Variants in STIM1 observed in about 807,000 individuals in gnomAD.
STIM1 encodes stromal interaction molecule 1.
A neutral mutation model predicts 74.7 loss-of-function variants in STIM1; 25 were observed. That is an observed-to-expected ratio of 0.33 (90% CI 0.24 to 0.47). The LOEUF is 0.47. Among genes scored for constraint, STIM1 ranks in the 20% least tolerant of loss-of-function variants. The pLI is 1.00. For synonymous variants in STIM1, 328 were observed against 348.8 expected (o/e 0.94, Z 0.66); for missense variants, 728 against 920.8 (o/e 0.79, Z 2.71).
At position 3,873,434 on chromosome 11, in the gene STIM1, A is replaced by T. The variant is rs569615825; in HGVS notation, c.139+17025A>T. Among the ~76,000 whole-genome samples the T allele has an allele frequency of 2.9e-3, 441 of 151,470 alleles. 1 individual carries two copies. The highest frequency in any genetic ancestry group is 0.01 in the African/African-American group (417 of 40,962). On this transcript the variant is annotated intron_variant, in intron 1 of 12. Transcript: ENST00000526596. ...GCTCCATTTCAAAAAAAAAAAAAAA[A>T]AAATTAAAAACTTTTTTTTTTTTGT...
intron 1 of STIM1, among the ~76,000 whole-genome samples, chr11:3,891,886 A>C (rs2091906391): frequency 6.6e-6 from 1 of 152,252 alleles, no homozygotes; most frequent in Non-Finnish European, 1.5e-5. Flanking sequence ...AAGTTGTAGC[A>C]GGAAAACAGC....
chr11:3,897,840 G>A (rs1008552814), intron 1 of STIM1, among the ~76,000 whole-genome samples: 5 of 152,064 alleles, frequency 3.3e-5, no homozygotes, highest in Admixed American at 2.0e-4. Context: ...CAAAGGACAC[G>A]AACTCATCAT....
At chr11:4,046,405 C>A (rs768469044) in intron 3 of STIM1, among the ~76,000 whole-genome samples, 1 of 152,186 alleles carries the variant, frequency 6.6e-6, no homozygotes, top group Non-Finnish European at 1.5e-5. Context: ...CCTGGACACA[C>A]TGTGTCTGCC....
intron 3 of STIM1, among the ~76,000 whole-genome samples, chr11:4,032,432 G>T (rs535624468): frequency 4.6e-5 from 7 of 152,166 alleles, no homozygotes; most frequent in Non-Finnish European, 8.8e-5. Context: ...ATGCTATTTT[G>T]ATTACCATAG....
chr11:3,963,459 T>C (rs2093309596), intron 1 of STIM1, among the ~76,000 whole-genome samples: 2 of 152,342 alleles, frequency 1.3e-5, no homozygotes, highest in Middle Eastern at 3.4e-3. Context: ...CTTTCTAATA[T>C]GGTAAATATT....
At position 3,970,425 on chromosome 11, in the gene STIM1, C is replaced by T. The variant is rs79830017; in HGVS notation, c.270+2743C>T. On this transcript the variant is annotated intron_variant, in intron 2 of 12. Coordinates refer to ENST00000526596, the MANE Select transcript of STIM1 (RefSeq NM_001382567.1). ...GTCACTTCAAACATGTATAAGATAG[C>T]CTTAGAGTTCAGGATCTAACTAGAA... is the stretch of plus-strand genomic sequence containing the variant. 9.3e-3 allele frequency among the ~76,000 whole-genome samples: 1,422 copies of T among 152,134 alleles called. 25 individuals carry two copies. The highest frequency in any genetic ancestry group is 0.032 in the African/African-American group (1,344 of 41,492).
chr11:4,075,236 A>AT (rs1031195366), intron 7 of STIM1, among the ~76,000 whole-genome samples: 1 of 152,200 alleles, frequency 6.6e-6, no homozygotes, highest in African/African-American at 2.4e-5. Flanking sequence ...GATAACAGTT[A>AT]TTTTGTTCCT....
intron 2 of STIM1, among the ~76,000 whole-genome samples, chr11:4,013,907 C>T (rs560510612): frequency 1.3e-5 from 2 of 151,738 alleles, no homozygotes; most frequent in Non-Finnish European, 2.9e-5. Flanking sequence ...CAGGGTTTCA[C>T]CGTGTTAGCC....
At chr11:3,910,342 G>T (rs2092541117) in intron 1 of STIM1, among the ~76,000 whole-genome samples, 1 of 152,204 alleles carries the variant, frequency 6.6e-6, no homozygotes, top group Admixed American at 6.5e-5. Context: ...AAAGCCAAAA[G>T]TATCTGGCGT....
chr11:3,999,134 C>G (rs1228016421), intron 2 of STIM1, among the ~76,000 whole-genome samples: 1 of 152,216 alleles, frequency 6.6e-6, no homozygotes, highest in Non-Finnish European at 1.5e-5. Context: ...TTGCTTGAGT[C>G]TATGAGTTTG....
At chr11:4,090,996 C>T (rs1273630913) in intron 12 of STIM1, among the ~76,000 whole-genome samples, 1 of 151,794 alleles carries the variant, frequency 6.6e-6, no homozygotes, top group African/African-American at 2.4e-5. Flanking sequence ...GCTTTTCTTC[C>T]TCTACAATTC....
chr11:3,932,775 G>A (rs1200252826), intron 1 of STIM1, among the ~76,000 whole-genome samples: 6 of 152,054 alleles, frequency 3.9e-5, no homozygotes, highest in East Asian at 1.9e-4. Context: ...ACCAGTAAGC[G>A]GGCCCTCGCC....
chr11:3,978,202 G>A (rs2093467678), intron 2 of STIM1, among the ~76,000 whole-genome samples: 1 of 149,946 alleles, frequency 6.7e-6, no homozygotes. Context: ...AGGCTGGAGT[G>A]CAATGGCACT....
At chr11:3,948,246 G>C (rs1326955956) in intron 1 of STIM1, among the ~76,000 whole-genome samples, 1 of 151,960 alleles carries the variant, frequency 6.6e-6, no homozygotes, top group African/African-American at 2.4e-5. Flanking sequence ...ATAATTCTAG[G>C]TACCTATCTA....
intron 1 of STIM1, among the ~76,000 whole-genome samples, chr11:3,874,431 C>T (rs959191049): frequency 2.6e-5 from 4 of 152,166 alleles, no homozygotes; most frequent in African/African-American, 9.7e-5. Context: ...TCATAATGCC[C>T]ATTTTGCAGG....
Position 3,967,608 on chromosome 11 carries a change from G to A in STIM1, c.196G>A (p.Glu66Lys), listed in dbSNP as rs199799231. The change falls in exon 2 of 13, where the codon GAG (glutamate) becomes AAG (lysine). Residue 66 changes from glutamate to lysine, a missense_variant. Physicochemically the swap from Glu to Lys is moderately conservative, Grantham distance 56. Coordinates refer to ENST00000526596, the MANE Select transcript of STIM1 (RefSeq NM_001382567.1). ...CHSEDEKLSF[E>K]AVRNIHKLMD... Reference sequence around the variant, plus strand: ...CAGTGAGGATGAGAAACTCAGCTTCGAGGCAGTCCGTAACATCCACAAACT... The same window carrying A: ...CAGTGAGGATGAGAAACTCAGCTTCAAGGCAGTCCGTAACATCCACAAACT... 37 of 1,614,070 alleles carry A rather than the reference G, an allele frequency of 2.3e-5. No individual in the cohort carries two copies. Among genetic ancestry groups the A allele is most frequent in the Non-Finnish European group, 3.0e-5 (35 of 1,180,052 alleles).
At chr11:3,865,858 G>A (rs2135237649) in intron 1 of STIM1, among the ~76,000 whole-genome samples, 1 of 152,286 alleles carries the variant, frequency 6.6e-6, no homozygotes, top group South Asian at 2.1e-4. Context: ...TGACAACTTT[G>A]CCTGTGTTGA....
intron 3 of STIM1, among the ~76,000 whole-genome samples, chr11:4,049,075 A>G (rs1015713074): frequency 4.6e-5 from 7 of 152,220 alleles, no homozygotes; most frequent in Non-Finnish European, 1.0e-4. Flanking sequence ...ACTATTCATT[A>G]AAAACATCAC....
At chr11:3,960,016 A>G (rs1414210402) in intron 1 of STIM1, among the ~76,000 whole-genome samples, 1 of 152,244 alleles carries the variant, frequency 6.6e-6, no homozygotes, top group Non-Finnish European at 1.5e-5. Flanking sequence ...ATTTTATTGA[A>G]TTGCATCCCA....
Sources: gnomAD v4.1 joint callset for allele counts (sites outside exome capture counted in the v4.1 genomes callset) on GRCh38, gnomAD v4.1.1 for gene constraint, MANE v1.5 for transcripts, NCBI Gene and HGNC (gene_info 2026-07-23, HGNC 2026-07-21) for gene names.